The following CCDC85A variants were observed in gnomAD, a reference collection of about 807,000 sequenced individuals.
CCDC85A encodes the protein coiled-coil domain-containing protein 85A.
In CCDC85A, 38 loss-of-function variants were observed where a neutral mutation model predicts 50.2. The ratio of observed to expected loss-of-function variants is 0.76; its 90% CI spans 0.58 to 0.99. CCDC85A has a LOEUF of 0.99. Among genes scored for constraint, CCDC85A ranks in the 50% least tolerant of loss-of-function variants. The probability of loss-of-function intolerance (pLI) is 0.00; values close to 1 mark genes in which losing one functional copy is unlikely to be tolerated. For missense variants in CCDC85A, 820 were observed against 742.0 expected, an observed-to-expected ratio of 1.11 and a Z score of -1.22; for synonymous variants, 366 against 301.4, an observed-to-expected ratio of 1.21 and a Z score of -2.22.
intron 2 of CCDC85A, among the ~76,000 whole-genome samples, chr2:56,222,477 A>G (rs936312978): frequency 1.3e-5 from 2 of 152,116 alleles, no homozygotes; most frequent in Admixed American, 1.3e-4. Context: ...CAGTCATGCA[A>G]AGAGGAATAT....
intron 2 of CCDC85A, among the ~76,000 whole-genome samples, chr2:56,268,771 AC>A (rs1370120687): frequency 1.3e-5 from 2 of 152,142 alleles, no homozygotes; most frequent in African/African-American, 4.8e-5. Context: ...TATTAAAAAA[AC>A]ATTTTTGGCT....
chr2:56,375,570 C>G (rs1573369462), intron 4 of CCDC85A, among the ~76,000 whole-genome samples: 1 of 152,062 alleles, frequency 6.6e-6, no homozygotes, highest in Admixed American at 6.5e-5. Context: ...AAGGGCCATT[C>G]CTTGGGGGTG....
At chr2:56,306,925 T>A (rs1672473233) in intron 2 of CCDC85A, among the ~76,000 whole-genome samples, 1 of 152,092 alleles carries the variant, frequency 6.6e-6, no homozygotes, top group Admixed American at 6.6e-5. Flanking sequence ...TAGGAAGACA[T>A]TTTTTCTAGT....
At chr2:56,204,323 A>G (rs1036163293) in intron 2 of CCDC85A, among the ~76,000 whole-genome samples, 16 of 152,240 alleles carry the variant, frequency 1.1e-4, no homozygotes, top group Non-Finnish European at 2.4e-4. Flanking sequence ...TAATAACGAC[A>G]TATAATGAAG....
chr2:56,233,683 G>A (rs988224771), intron 2 of CCDC85A, among the ~76,000 whole-genome samples: 2 of 152,226 alleles, frequency 1.3e-5, no homozygotes, highest in African/African-American at 4.8e-5. Context: ...CCCAAGGGCT[G>A]TTGTTTGGTG....
At chr2:56,275,964 G>T (rs1302131449) in intron 2 of CCDC85A, among the ~76,000 whole-genome samples, 3 of 152,182 alleles carry the variant, frequency 2.0e-5, no homozygotes, top group Non-Finnish European at 2.9e-5. Flanking sequence ...AGAGCATGAA[G>T]ATCCTATGGG....
intron 2 of CCDC85A, among the ~76,000 whole-genome samples, chr2:56,269,853 G>A (rs1456867502): frequency 1.3e-5 from 2 of 152,046 alleles, no homozygotes; most frequent in African/African-American, 4.8e-5. Flanking sequence ...GATCCATTTC[G>A]AAAAATAGCG....
chr2:56,257,958 C>A (rs55644642), intron 2 of CCDC85A, among the ~76,000 whole-genome samples: 2,998 of 152,230 alleles, frequency 0.02, 52 homozygotes, highest in South Asian at 0.047. Flanking sequence ...AATAAAAAAT[C>A]ATCAGTAAGG....
intron 2 of CCDC85A, among the ~76,000 whole-genome samples, chr2:56,283,946 T>G (rs1671315553): frequency 6.6e-6 from 1 of 152,104 alleles, no homozygotes; most frequent in African/African-American, 2.4e-5. Context: ...TTTCCATAGC[T>G]TCTTAAAAAG....
chr2:56,268,031 C>T (rs376212246), intron 2 of CCDC85A, among the ~76,000 whole-genome samples: 1 of 152,234 alleles, frequency 6.6e-6, no homozygotes, highest in African/African-American at 2.4e-5. Context: ...GCCCCTAAAG[C>T]TTTATACATA....
At chr2:56,360,160 T>C (rs1219849527) in intron 3 of CCDC85A, among the ~76,000 whole-genome samples, 1 of 152,262 alleles carries the variant, frequency 6.6e-6, no homozygotes, top group Non-Finnish European at 1.5e-5. Flanking sequence ...ATAAACTTTT[T>C]TTAAAAAAGA....
intron 2 of CCDC85A, among the ~76,000 whole-genome samples, chr2:56,236,005 A>G (rs1291892327): frequency 6.6e-6 from 1 of 152,210 alleles, no homozygotes; most frequent in African/African-American, 2.4e-5. Context: ...GAAAAGAAAT[A>G]CAAAGTATGA....
chr2:56,304,808 G>T (rs764932243), intron 2 of CCDC85A, among the ~76,000 whole-genome samples: 1 of 151,960 alleles, frequency 6.6e-6, no homozygotes, highest in Non-Finnish European at 1.5e-5. Flanking sequence ...CAGCACTTTG[G>T]GGGGCCAGGG....
intron 3 of CCDC85A, among the ~76,000 whole-genome samples, chr2:56,363,305 G>A (rs924406343): frequency 1.3e-5 from 2 of 152,080 alleles, no homozygotes; most frequent in African/African-American, 4.8e-5. Context: ...ATTATGCAAA[G>A]GCTACACTGC....
chr2:56,372,215 G>A, intron 3 of CCDC85A, 129 bp from the exon 4 acceptor site: 1 of 814,720 alleles, frequency 1.2e-6, no homozygotes, highest in South Asian at 3.7e-5. Context: ...CTAGCTACAG[G>A]TGCATGTTAC....
intron 2 of CCDC85A, among the ~76,000 whole-genome samples, chr2:56,305,324 G>A (rs1041066053): frequency 1.3e-4 from 20 of 152,278 alleles, no homozygotes; most frequent in Non-Finnish European, 2.6e-4. Context: ...AAGCATGTGA[G>A]GTAAGTATTA....
chr2:56,270,762 A>G (rs1404315719), intron 2 of CCDC85A, among the ~76,000 whole-genome samples: 1 of 152,236 alleles, frequency 6.6e-6, no homozygotes, highest in Non-Finnish European at 1.5e-5. Context: ...GAAATCAGCA[A>G]TAAAGACAAA....
chr2:56,269,796 C>T (rs955822700), intron 2 of CCDC85A, among the ~76,000 whole-genome samples: 1 of 152,160 alleles, frequency 6.6e-6, no homozygotes, highest in African/African-American at 2.4e-5. Context: ...TGACTCTGGA[C>T]ATAAAGTAGA....
intron 3 of CCDC85A, among the ~76,000 whole-genome samples, chr2:56,362,831 C>T (rs1347151726): frequency 6.6e-6 from 1 of 151,872 alleles, no homozygotes; most frequent in Non-Finnish European, 1.5e-5. Flanking sequence ...GCCATGTTGG[C>T]CAGGCTGGTC....
Sources: allele counts gnomAD v4.1 joint callset (sites outside exome capture counted in the v4.1 genomes callset), GRCh38; gene constraint gnomAD v4.1.1; transcripts MANE v1.5; gene names NCBI Gene and HGNC (gene_info 2026-07-23, HGNC 2026-07-21).